Variants in ASPH observed in about 807,000 individuals in gnomAD.
ASPH encodes aspartyl/asparaginyl beta-hydroxylase.
ASPH carries 100 observed loss-of-function variants against 118.4 expected under a neutral mutation model. That is an observed-to-expected ratio of 0.84 (90% CI 0.72 to 1.00). The LOEUF (loss-of-function observed/expected upper bound fraction) is 1.00, where lower values mean the gene tolerates loss of function less well. Among genes scored for constraint, ASPH ranks in the 50% least tolerant of loss-of-function variants. The pLI is 0.00. For missense variants in ASPH, 920 were observed against 919.5 expected, an observed-to-expected ratio of 1.00 and a Z score of -0.01; for synonymous variants, 315 against 325.6, an observed-to-expected ratio of 0.97 and a Z score of 0.35.
intron 18 of ASPH, among the ~76,000 whole-genome samples, chr8:61,562,393 G>GTA (rs1272294295): frequency 1.4e-5 from 2 of 145,670 alleles, no homozygotes; most frequent in Admixed American, 6.9e-5. Context: ...GTGTGTCTGT[G>GTA]TGTGTGTGTG....
chr8:61,610,593 G>A (rs937746705), intron 14 of ASPH, among the ~76,000 whole-genome samples: 1 of 152,200 alleles, frequency 6.6e-6, no homozygotes, highest in Non-Finnish European at 1.5e-5. Flanking sequence ...ATCTTTAAGA[G>A]CAGTTATCTC....
intron 3 of ASPH, chr8:61,676,335 G>C (rs1221912822): frequency 1.9e-6 from 3 of 1,562,154 alleles, no homozygotes; most frequent in African/African-American, 1.4e-5. Context: ...TAAGAATAAA[G>C]GAAGAGAGAG....
chr8:61,689,554 G>T, intron 1 of ASPH: 1 of 936,078 alleles, frequency 1.1e-6, no homozygotes, highest in Non-Finnish European at 1.6e-6. Context: ...AATAGAAAAT[G>T]TAGACAGTAC....
intron 13 of ASPH, chr8:61,632,516 A>G (rs1008922121): frequency 1.1e-5 from 2 of 186,168 alleles, no homozygotes; most frequent in Admixed American, 1.2e-4. Flanking sequence ...AGAAGGACAT[A>G]AATATCAGCT....
At chr8:61,550,442 T>TAC (rs34577657) in intron 20 of ASPH, among the ~76,000 whole-genome samples, 77,805 of 147,500 alleles carry the variant, frequency 0.53, 22,064 homozygotes, top group South Asian at 0.68. Flanking sequence ...CACATGTACA[T>TAC]ACACACACAC....
chr8:61,512,838 T>C (rs1809427670), intron 24 of ASPH, among the ~76,000 whole-genome samples: 1 of 152,200 alleles, frequency 6.6e-6, no homozygotes, highest in African/African-American at 2.4e-5. Flanking sequence ...AATACACATA[T>C]ATAGACATTG....
intron 1 of ASPH, among the ~76,000 whole-genome samples, chr8:61,696,661 G>GAA (rs10653118): frequency 0.013 from 1,881 of 149,782 alleles, 34 homozygotes; most frequent in African/African-American, 0.041. Flanking sequence ...CGGTCTCATA[G>GAA]AAAAAAAAAA....
At chr8:61,523,731 A>G (rs772550611) in intron 22 of ASPH, among the ~76,000 whole-genome samples, 14 of 152,196 alleles carry the variant, frequency 9.2e-5, no homozygotes, top group Non-Finnish European at 1.8e-4. Context: ...AAATCTTCCT[A>G]AAAGGGAAAC....
chr8:61,556,867 C>T (rs1385378345), intron 18 of ASPH, among the ~76,000 whole-genome samples: 2 of 152,152 alleles, frequency 1.3e-5, no homozygotes, highest in Non-Finnish European at 2.9e-5. Context: ...AGGGAAGTCA[C>T]AGCCACAGTA....
intron 15 of ASPH, chr8:61,582,954 G>T (rs555166922): frequency 1.3e-5 from 2 of 152,128 alleles, no homozygotes; most frequent in Admixed American, 6.5e-5. Context: ...TTTTGCACCC[G>T]ATGATTAGAT....
At chr8:61,524,263 C>T (rs1444806095) in intron 22 of ASPH, among the ~76,000 whole-genome samples, 1 of 151,912 alleles carries the variant, frequency 6.6e-6, no homozygotes, top group Non-Finnish European at 1.5e-5. Context: ...ACATCCAAAC[C>T]TGTAACTGTA....
chr8:61,704,254 T>C (rs1423298678), intron 1 of ASPH, among the ~76,000 whole-genome samples: 1 of 142,434 alleles, frequency 7.0e-6, no homozygotes, highest in African/African-American at 2.7e-5. Flanking sequence ...CAGAAACAGA[T>C]TTATACTTAC....
intron 1 of ASPH, among the ~76,000 whole-genome samples, chr8:61,712,557 T>TA (rs763951078): frequency 3.3e-5 from 5 of 152,256 alleles, no homozygotes; most frequent in African/African-American, 7.2e-5. Context: ...TCATGACTAT[T>TA]AGAGAATCAA....
chr8:61,519,220 C>A (rs1456734512), intron 22 of ASPH, among the ~76,000 whole-genome samples: 1 of 151,884 alleles, frequency 6.6e-6, no homozygotes, highest in Non-Finnish European at 1.5e-5. Context: ...AATTTTATTT[C>A]TTTATAATAG....
Position 61,580,218 on chromosome 8 carries a change from G to A in ASPH, c.1063-3360C>T, listed in dbSNP as rs116500903. ...CTGTTGGTGGATCTACCATTCTGGG[G>A]CCTGCAGGATGGTGGCCGTCTTCTC... On this transcript the variant is annotated intron_variant, in intron 15 of 24. Transcript: ENST00000379454. Among the ~76,000 whole-genome samples the A allele has an allele frequency of 4.2e-3, 636 of 152,294 alleles. 5 individuals carry two copies. Among genetic ancestry groups the A allele is most frequent in the African/African-American group, 0.014 (602 of 41,554 alleles).
At chr8:61,516,726 T>C (rs977337465) in intron 24 of ASPH, among the ~76,000 whole-genome samples, 3 of 152,168 alleles carry the variant, frequency 2.0e-5, no homozygotes, top group African/African-American at 7.2e-5. Context: ...TAGGTTTATT[T>C]TGGACAGGTG....
intron 3 of ASPH, chr8:61,662,672 G>C (rs1293610238): frequency 4.3e-6 from 1 of 232,380 alleles, no homozygotes; most frequent in African/African-American, 2.3e-5. Context: ...CAAAAAGAAA[G>C]AAAAGAGAAG....
chr8:61,632,701 G>A (rs779803328), intron 13 of ASPH: 1 of 477,392 alleles, frequency 2.1e-6, no homozygotes, highest in Non-Finnish European at 4.2e-6. Flanking sequence ...TACATGGCAG[G>A]ACAACTATCA....
rs571731377 is a variant in ASPH, at chr8:61,555,823, C to T, written c.1536+101G>A. On this transcript the variant is annotated intron_variant, in intron 19 of 24. Coordinates refer to ENST00000379454, the MANE Select transcript of ASPH (RefSeq NM_004318.4). Reference sequence around the variant, plus strand: ...GGTGGACATCCTGAGGATGAAAATACTCAGCAGTGCATGCAATCAATCTAC... The same window carrying T: ...GGTGGACATCCTGAGGATGAAAATATTCAGCAGTGCATGCAATCAATCTAC... The T allele has an allele frequency of 3.0e-6, 3 of 1,001,606 alleles. No individual in the cohort carries two copies. In the East Asian group the frequency reaches 7.9e-5, roughly 26 times the overall value. 62.0% of individuals were successfully genotyped at this position (1,001,606 alleles called of 1,614,324 possible). A position where few individuals can be genotyped will look rare whatever the true frequency, so the allele number is the denominator to read the frequency against.
Sources: allele counts gnomAD v4.1 joint callset (sites outside exome capture counted in the v4.1 genomes callset), GRCh38; gene constraint gnomAD v4.1.1; transcripts MANE v1.5; gene names NCBI Gene and HGNC (gene_info 2026-07-23, HGNC 2026-07-21).